METTL25: variants seen among roughly 807,000 people sequenced by gnomAD.
METTL25 encodes the protein methyltransferase like 25, also known as probable methyltransferase-like protein 25.
In METTL25, 64 loss-of-function variants were observed where a neutral mutation model predicts 71.6. The ratio of observed to expected loss-of-function variants is 0.89; its 90% CI spans 0.73 to 1.10. METTL25 has a LOEUF of 1.10. Ranked by LOEUF, METTL25 falls within the 50% of genes least tolerant of loss-of-function variation. The pLI is 0.00. For missense variants in METTL25, 807 were observed against 707.0 expected (o/e 1.14, Z -1.60); for synonymous variants, 287 against 250.3 (o/e 1.15, Z -1.38).
At chr12:82,428,791 A>G (rs907197875) in intron 5 of METTL25, among the ~76,000 whole-genome samples, 1 of 151,808 alleles carries the variant, frequency 6.6e-6, no homozygotes, top group Non-Finnish European at 1.5e-5. Flanking sequence ...CCTATCTGGA[A>G]CATGAGAATA....
intron 8 of METTL25, chr12:82,439,034 G>T (rs1890136395): frequency 3.6e-6 from 1 of 278,664 alleles, no homozygotes; most frequent in African/African-American, 2.2e-5. Context: ...TATGTAAAAT[G>T]TACTTTAGAA....
chr12:82,372,866 G>A (rs1041388787), intron 1 of METTL25, among the ~76,000 whole-genome samples: 2 of 152,158 alleles, frequency 1.3e-5, no homozygotes, highest in East Asian at 3.9e-4. Flanking sequence ...CGACGTAGCA[G>A]CAGAAACACT....
At chr12:82,470,052 T>C (rs1892479436) in intron 9 of METTL25, among the ~76,000 whole-genome samples, 1 of 152,182 alleles carries the variant, frequency 6.6e-6, no homozygotes, top group South Asian at 2.1e-4. Flanking sequence ...CCACAAATCT[T>C]GTGTCCATCA....
chr12:82,460,728 T>C (rs1018630292), intron 9 of METTL25, among the ~76,000 whole-genome samples: 2 of 152,182 alleles, frequency 1.3e-5, no homozygotes, highest in African/African-American at 2.4e-5. Flanking sequence ...AATTGCAGTG[T>C]GGGTTCCCTG....
At chr12:82,470,931 T>C (rs949265161) in intron 9 of METTL25, among the ~76,000 whole-genome samples, 4 of 152,182 alleles carry the variant, frequency 2.6e-5, no homozygotes. Flanking sequence ...CTATTTCAAT[T>C]TGAGTAAACC....
intron 1 of METTL25, among the ~76,000 whole-genome samples, chr12:82,374,657 T>C (rs2136880859): frequency 6.6e-6 from 1 of 152,328 alleles, no homozygotes; most frequent in South Asian, 2.1e-4. Flanking sequence ...TTGTTGAATT[T>C]AATATGGTTA....
intron 5 of METTL25, among the ~76,000 whole-genome samples, chr12:82,421,012 T>G: frequency 6.6e-6 from 1 of 152,046 alleles, no homozygotes; most frequent in African/African-American, 2.4e-5. Flanking sequence ...CAGGTGCCCA[T>G]CACCATGCCT....
rs376835309 is a variant in METTL25 at position 82,401,569 on chromosome 12, G to A, written c.1132-1414G>A. ...CTTGAATTTAGACAGGCTTTTTCCC[G>A]AGACTGTGCTCTTAATGACTGTACT... On this transcript the variant is annotated intron_variant, in intron 4 of 11. Transcript: ENST00000248306. 2.2e-4 allele frequency among the ~76,000 whole-genome samples: 33 copies of A among 151,884 alleles called. No individual in the cohort carries two copies. In the South Asian group the frequency reaches 5.4e-3, roughly 25 times the overall value.
At chr12:82,467,151 C>A (rs1462562904) in intron 9 of METTL25, among the ~76,000 whole-genome samples, 2 of 151,808 alleles carry the variant, frequency 1.3e-5, no homozygotes, top group African/African-American at 4.8e-5. Flanking sequence ...ATCCATTCTG[C>A]CAGTTCATAT....
At chr12:82,461,727 A>G (rs1456461135) in intron 9 of METTL25, among the ~76,000 whole-genome samples, 2 of 152,220 alleles carry the variant, frequency 1.3e-5, no homozygotes, top group Non-Finnish European at 1.5e-5. Context: ...AAATCAAGGA[A>G]TGATGAATCT....
intron 1 of METTL25, among the ~76,000 whole-genome samples, chr12:82,368,185 A>C (rs906953745): frequency 9.9e-5 from 15 of 152,082 alleles, no homozygotes; most frequent in Non-Finnish European, 1.9e-4. Context: ...CAGGGCATTT[A>C]ACTGTAGGGC....
chr12:82,412,594 A>G (rs922885975), intron 5 of METTL25, among the ~76,000 whole-genome samples: 2 of 152,124 alleles, frequency 1.3e-5, no homozygotes, highest in Non-Finnish European at 2.9e-5. Flanking sequence ...ACATCGCTAT[A>G]TAAATTTGTT....
chr12:82,372,409 G>A (rs934716207), intron 1 of METTL25, among the ~76,000 whole-genome samples: 3 of 152,172 alleles, frequency 2.0e-5, no homozygotes, highest in African/African-American at 4.8e-5. Context: ...GGGAGCTATA[G>A]GGAGGCTAGG....
At chr12:82,468,877 C>G (rs1290441222) in intron 9 of METTL25, 2 of 152,100 alleles carry the variant, frequency 1.3e-5, no homozygotes, top group African/African-American at 2.4e-5. Flanking sequence ...GAGTCTCTAA[C>G]CTCTGCTTCT....
At chr12:82,373,677 C>G (rs1423025739) in intron 1 of METTL25, among the ~76,000 whole-genome samples, 1 of 152,148 alleles carries the variant, frequency 6.6e-6, no homozygotes, top group Non-Finnish European at 1.5e-5. Flanking sequence ...CAAGGTCAAC[C>G]AACTTGTTTG....
chr12:82,412,459 G>A (rs1462003679), intron 5 of METTL25, among the ~76,000 whole-genome samples: 1 of 152,078 alleles, frequency 6.6e-6, no homozygotes, highest in Admixed American at 6.6e-5. Flanking sequence ...AATGTGGTCA[G>A]TTTCAAGCTA....
At chr12:82,447,797 G>A (rs1418086602) in intron 8 of METTL25, among the ~76,000 whole-genome samples, 2 of 152,074 alleles carry the variant, frequency 1.3e-5, no homozygotes, top group Admixed American at 1.3e-4. Context: ...TTTTGTAAAC[G>A]CTTATTGCTT....
intron 5 of METTL25, among the ~76,000 whole-genome samples, chr12:82,408,593 A>G (rs1337958196): frequency 2.0e-5 from 1 of 49,478 alleles, no homozygotes; most frequent in Admixed American, 2.5e-4. Flanking sequence ...AACAGATGTG[A>G]CTCCGTGTGT....
chr12:82,415,529 C>G (rs1371495267), intron 5 of METTL25, among the ~76,000 whole-genome samples: 1 of 152,098 alleles, frequency 6.6e-6, no homozygotes, highest in Non-Finnish European at 1.5e-5. Flanking sequence ...ACAGTATGCT[C>G]TCTACAGGCT....
Sources: allele counts gnomAD v4.1 joint callset (sites outside exome capture counted in the v4.1 genomes callset), GRCh38; gene constraint gnomAD v4.1.1; transcripts MANE v1.5; gene names NCBI Gene and HGNC (gene_info 2026-07-23, HGNC 2026-07-21).